TENT2: variants seen among roughly 807,000 people sequenced by gnomAD.
The protein encoded by TENT2 is terminal nucleotidyltransferase 2.
A neutral mutation model predicts 72.2 loss-of-function variants in TENT2; 44 were observed. That is an observed-to-expected ratio of 0.61 (90% CI 0.48 to 0.78). The LOEUF (loss-of-function observed/expected upper bound fraction) is 0.78, where lower values mean the gene tolerates loss of function less well. Ranked by LOEUF, TENT2 falls within the 30% of genes least tolerant of loss-of-function variation. TENT2 has a pLI of 0.00. For synonymous variants in TENT2, 212 were observed against 192.5 expected, an observed-to-expected ratio of 1.10 and a Z score of -0.84; for missense variants, 541 against 569.6, an observed-to-expected ratio of 0.95 and a Z score of 0.51.
At chr5:79,647,696 C>CT (rs1369483288) in intron 8 of TENT2, among the ~76,000 whole-genome samples, 1 of 152,030 alleles carries the variant, frequency 6.6e-6, no homozygotes, top group Non-Finnish European at 1.5e-5. Flanking sequence ...TTTAGACAGT[C>CT]TTTTCACAGA....
chr5:79,686,499 T>C lies in TENT2; in HGVS notation c.*1226T>C, dbSNP rs1826071593. The stretch of plus-strand genomic sequence containing the variant: ...TTTTAGACCTGCTGTAGTACAGTTT[T>C]GTACCTCTAACGTATTTTTTTTTTG... On this transcript the variant is annotated 3_prime_UTR_variant, in exon 15 of 15. Transcript: ENST00000453514. 6.6e-6 allele frequency: 1 copy of C among 152,072 alleles called. No individual in the cohort carries two copies. The highest frequency in any genetic ancestry group is 6.5e-5 in the Admixed American group (1 of 15,286). 9.4% of individuals were successfully genotyped at this position (152,072 alleles called of 1,614,324 possible).
Position 79,686,515 on chromosome 5 carries a change from T to G in TENT2, c.*1242T>G, listed in dbSNP as rs1826086878. 2.0e-5 allele frequency: 3 copies of G among 150,976 alleles called. No individual in the cohort carries two copies. The highest frequency in any genetic ancestry group is 4.2e-4 in the South Asian group (2 of 4,798). The allele number at this position is 150,976 out of a possible 1,614,324, so 9.4% of individuals were successfully genotyped here. ...GTACAGTTTTGTACCTCTAACGTAT[T>G]TTTTTTTTGCAGACCAAATGCTAAA... On this transcript the variant is annotated 3_prime_UTR_variant, in exon 15 of 15. Coordinates refer to ENST00000453514, the MANE Select transcript of TENT2 (RefSeq NM_001114394.3).
chr5:79,671,980 G>T (rs1285830580), intron 12 of TENT2, among the ~76,000 whole-genome samples: 4 of 151,850 alleles, frequency 2.6e-5, no homozygotes, highest in African/African-American at 9.7e-5. Context: ...GCACATGCCT[G>T]TAAACCCAGC....
rs1561451937 is a variant in TENT2, at chr5:79,620,093, T to G, written c.227+10T>G. On this transcript the variant is annotated intron_variant, in intron 3 of 14. Coordinates refer to ENST00000453514, the MANE Select transcript of TENT2 (RefSeq NM_001114394.3). Reference sequence around the variant, plus strand: ...TATTTCGAGGAAGGAAGTAAGTACTTCTTAATTATTTTAAAAGAATATTTT... The same window carrying G: ...TATTTCGAGGAAGGAAGTAAGTACTGCTTAATTATTTTAAAAGAATATTTT... 12 of 1,552,710 alleles carry G rather than the reference T, an allele frequency of 7.7e-6. No homozygotes were observed. The East Asian group carries it at 2.7e-4, about 35-fold the overall frequency.
Position 79,623,991 on chromosome 5 carries a change from TTAAA to T in TENT2, c.465+506_465+509del, listed in dbSNP as rs1325128811. On this transcript the variant is annotated intron_variant, in intron 4 of 14. Transcript: ENST00000453514. ...TTTCAAATAAGTGAAATGAAGCTAT[TTAAA>T]TAATAATTCTTGGAAAATGACATTG... Among the ~76,000 whole-genome samples, 7 of 152,318 alleles carry T rather than the reference TTAAA, an allele frequency of 4.6e-5. No individual in the cohort carries two copies. The East Asian group carries it at 1.3e-3, about 29-fold the overall frequency.
At chr5:79,649,990 C>A (rs1346059750) in intron 10 of TENT2, among the ~76,000 whole-genome samples, 1 of 151,944 alleles carries the variant, frequency 6.6e-6, no homozygotes. Flanking sequence ...AGTTATTAGA[C>A]CAGGAGACTG....
At chr5:79,663,078 C>G (rs1351420604) in intron 11 of TENT2, among the ~76,000 whole-genome samples, 2 of 152,176 alleles carry the variant, frequency 1.3e-5, no homozygotes, top group East Asian at 3.9e-4. Flanking sequence ...AGCTTCTTTC[C>G]TTAAACCTCA....
rs1417153158 is a variant in TENT2 at position 79,686,764 on chromosome 5, T to C, written c.*1491T>C. On this transcript the variant is annotated 3_prime_UTR_variant, in exon 15 of 15. Transcript: ENST00000453514. ...GCCAGCTAACGACATCAATATCTTA[T>C]GTCTCTGGCATTATGAGGAATGAAA... 2 of 152,196 alleles carry C rather than the reference T, an allele frequency of 1.3e-5. No homozygotes were observed. Among genetic ancestry groups the C allele is most frequent in the Admixed American group, 6.5e-5 (1 of 15,280 alleles). The allele number at this position is 152,196 out of a possible 1,614,324, so 9.4% of individuals were successfully genotyped here.
chr5:79,632,925 G>T (rs1056740069), intron 4 of TENT2, among the ~76,000 whole-genome samples: 2 of 152,104 alleles, frequency 1.3e-5, no homozygotes, highest in African/African-American at 2.4e-5. Context: ...GTAATAGTAG[G>T]CGCCTAAAGT....
intron 11 of TENT2, among the ~76,000 whole-genome samples, chr5:79,659,026 G>A (rs1324990090): frequency 1.3e-5 from 2 of 152,026 alleles, no homozygotes; most frequent in Non-Finnish European, 2.9e-5. Flanking sequence ...GCGAGATTAG[G>A]AATCTCCTAA....
intron 1 of TENT2, among the ~76,000 whole-genome samples, chr5:79,618,530 G>A (rs903519180): frequency 3.9e-5 from 6 of 151,986 alleles, no homozygotes; most frequent in African/African-American, 1.4e-4. Context: ...CACCACATCC[G>A]GCCCCTTTCT....
At position 79,678,965 on chromosome 5, in the gene TENT2, G is replaced by A. The variant is rs1819585038; in HGVS notation, c.1209-614G>A. 2.0e-5 allele frequency among the ~76,000 whole-genome samples: 3 copies of A among 152,056 alleles called. No homozygotes were observed. In the South Asian group the frequency reaches 6.2e-4, roughly 32 times the overall value. On this transcript the variant is annotated intron_variant, in intron 12 of 14. Coordinates refer to ENST00000453514, the MANE Select transcript of TENT2 (RefSeq NM_001114394.3). ...CCTGTCACCAGGCTGGAGTGCAGTG[G>A]CATGACCTCTGCTCACTGCAACCTC... is the stretch of plus-strand genomic sequence containing the variant.
intron 4 of TENT2, among the ~76,000 whole-genome samples, chr5:79,629,229 A>C (rs190687230): frequency 1.3e-5 from 2 of 152,326 alleles, no homozygotes; most frequent in East Asian, 3.9e-4. Context: ...CCCAACTTCT[A>C]TGTTATATTG....
At chr5:79,664,056 A>G (rs922944265) in intron 11 of TENT2, among the ~76,000 whole-genome samples, 1 of 152,072 alleles carries the variant, frequency 6.6e-6, no homozygotes, top group African/African-American at 2.4e-5. Context: ...TTTATGTTGT[A>G]TTAGGTATTG....
intron 12 of TENT2, among the ~76,000 whole-genome samples, chr5:79,674,344 CGCACTCCAGCCCTGGGCACT>C (rs1815446338): frequency 6.6e-6 from 1 of 152,084 alleles, no homozygotes; most frequent in East Asian, 1.9e-4. Flanking sequence ...ATCGCGCCAC[CGCACTCCAGCCCTGGGCACT>C]GCACTCCAGC....
At chr5:79,669,740 GTAA>G (rs541065016) in intron 12 of TENT2, among the ~76,000 whole-genome samples, 23 of 151,552 alleles carry the variant, frequency 1.5e-4, no homozygotes, top group Admixed American at 4.6e-4. Context: ...AATAATAATA[GTAA>G]TAATAATAAT....
Position 79,655,760 on chromosome 5 carries a change from T to TA in TENT2, c.1028-1197dup, listed in dbSNP as rs1797504776. Among the ~76,000 whole-genome samples the TA allele has an allele frequency of 2.7e-5, 4 of 149,970 alleles. 1 individual carries two copies. The highest frequency in any genetic ancestry group is 2.0e-4 in the Admixed American group (3 of 14,974). ...GTAATGATTGAGTTTTTTTTTTTTT[T>TA]ACTAATATTCTCAGTCATGTACTGA... On this transcript the variant is annotated intron_variant, in intron 10 of 14. Coordinates refer to ENST00000453514, the MANE Select transcript of TENT2 (RefSeq NM_001114394.3).
rs117983074 is a variant in TENT2, at chr5:79,666,351, A to C, written c.1072-2541A>C. Among the ~76,000 whole-genome samples the C allele has an allele frequency of 1.4e-4, 22 of 151,850 alleles. 1 individual carries two copies. In the East Asian group the frequency reaches 3.3e-3, roughly 23 times the overall value. On this transcript the variant is annotated intron_variant, in intron 11 of 14. Transcript: ENST00000453514. ...TCTTTCTGTAATGTGAATGATCATT[A>C]AAAACTGGGGATGTCTTTTCTTTCT...
intron 11 of TENT2, 111 bp from the exon 12 acceptor site, chr5:79,668,781 G>A (rs1810522365): frequency 1.5e-6 from 2 of 1,300,202 alleles, no homozygotes; most frequent in African/African-American, 3.0e-5. Flanking sequence ...TTGCCAAATA[G>A]AGTAAATTTC....
Sources: gnomAD v4.1 joint callset for allele counts (sites outside exome capture counted in the v4.1 genomes callset) on GRCh38, gnomAD v4.1.1 for gene constraint, MANE v1.5 for transcripts, NCBI Gene and HGNC (gene_info 2026-07-23, HGNC 2026-07-21) for gene names.